ANKRD44: variants seen among roughly 807,000 people sequenced by gnomAD.
The protein encoded by ANKRD44 is serine/threonine-protein phosphatase 6 regulatory ankyrin repeat subunit B.
Under a neutral mutation model 116.0 loss-of-function variants are expected in ANKRD44, and 35 were observed. The observed-to-expected ratio is 0.30, with a 90% CI of 0.23 to 0.40. ANKRD44 has a LOEUF of 0.40. Among genes scored for constraint, ANKRD44 ranks in the 10% least tolerant of loss-of-function variants. ANKRD44 has a pLI of 1.00. For missense variants in ANKRD44, 1,014 were observed against 1,242.6 expected, an observed-to-expected ratio of 0.82 and a Z score of 2.77; for synonymous variants, 435 against 461.8, an observed-to-expected ratio of 0.94 and a Z score of 0.74.
chr2:197,010,257 C>T (rs1484287342), intron 18 of ANKRD44, among the ~76,000 whole-genome samples: 2 of 152,094 alleles, frequency 1.3e-5, no homozygotes, highest in East Asian at 1.9e-4. Context: ...TGGGTGTGCA[C>T]GCTCCATCCG....
At chr2:197,022,020 C>A (rs1191557069) in intron 17 of ANKRD44, among the ~76,000 whole-genome samples, 1 of 152,130 alleles carries the variant, frequency 6.6e-6, no homozygotes, top group Non-Finnish European at 1.5e-5. Context: ...GGGCCAATAA[C>A]CCTGGAGATT....
Position 197,078,774 on chromosome 2 carries a change from T to G in ANKRD44, c.1579A>C (p.Ile527Leu), listed in dbSNP as rs1336550510. Residue 527 changes from isoleucine to leucine, a missense_variant, in exon 16 of 28, where the codon ATC becomes CTC. Coordinates refer to ENST00000282272, the MANE Select transcript of ANKRD44 (RefSeq NM_001195144.2). Reference sequence around the variant, plus strand: ...CTATTGTAACCTTCCTTGTCCCGGATAGATGGATTTGCATCATTTTGAAGC... The same window carrying G: ...CTATTGTAACCTTCCTTGTCCCGGAGAGATGGATTTGCATCATTTTGAAGC... ...FLLQNDANPS[I>L]RDKEGYNSIH... The G allele has an allele frequency of 6.8e-6, 11 of 1,613,320 alleles. No homozygotes were observed. The highest frequency in any genetic ancestry group is 8.5e-6 in the Non-Finnish European group (10 of 1,179,440).
At chr2:197,298,438 T>C (rs1662983028) in intron 1 of ANKRD44, among the ~76,000 whole-genome samples, 1 of 152,162 alleles carries the variant, frequency 6.6e-6, no homozygotes, top group Non-Finnish European at 1.5e-5. Flanking sequence ...CAGAAGCATA[T>C]TTCCTTGGGC....
At chr2:197,123,649 T>C (rs547838905) in intron 6 of ANKRD44, among the ~76,000 whole-genome samples, 1 of 152,036 alleles carries the variant, frequency 6.6e-6, no homozygotes, top group Non-Finnish European at 1.5e-5. Context: ...AATAAATAAA[T>C]AAACAAAGAA....
chr2:197,260,040 C>T (rs553727934), intron 1 of ANKRD44, among the ~76,000 whole-genome samples: 88 of 152,302 alleles, frequency 5.8e-4, no homozygotes, highest in African/African-American at 1.9e-3. Context: ...AACGGTAAGA[C>T]TACTTTTCCT....
chr2:197,067,754 C>T (rs2077465270), intron 16 of ANKRD44, among the ~76,000 whole-genome samples: 1 of 100,946 alleles, frequency 9.9e-6, no homozygotes, highest in Non-Finnish European at 2.0e-5. Context: ...CACTTTTACA[C>T]TGTTGGTGGG....
intron 21 of ANKRD44, among the ~76,000 whole-genome samples, chr2:196,972,338 G>C (rs902370335): frequency 3.3e-5 from 5 of 152,132 alleles, no homozygotes; most frequent in Admixed American, 3.3e-4. Flanking sequence ...TGAGCAGCTG[G>C]GACTACAAGC....
intron 1 of ANKRD44, among the ~76,000 whole-genome samples, chr2:197,197,794 A>G (rs1366549396): frequency 2.2e-5 from 3 of 137,426 alleles, no homozygotes; most frequent in African/African-American, 7.9e-5. Context: ...TGGGTGACAG[A>G]GTGAAATCCT....
At position 196,989,039 on chromosome 2, in the gene ANKRD44, G is replaced by A. The variant is rs1008915365; in HGVS notation, c.*552C>T. On this transcript the variant is annotated 3_prime_UTR_variant, in exon 28 of 28. Coordinates refer to ENST00000282272, the MANE Select transcript of ANKRD44 (RefSeq NM_001195144.2). ...ATGCGTAGCCCTCTCTAACCAACGC[G>A]GAAGAACCTGAGGGTCATCTGGAAA... 2.4e-5 allele frequency: 24 copies of A among 985,448 alleles called. No homozygotes were observed. The highest frequency in any genetic ancestry group is 2.8e-5 in the Non-Finnish European group (23 of 829,976). 61.0% of individuals were successfully genotyped at this position (985,448 alleles called of 1,614,324 possible). A position where few individuals can be genotyped will look rare whatever the true frequency, so the allele number is the denominator to read the frequency against.
At chr2:197,291,018 G>T (rs572237419) in intron 1 of ANKRD44, among the ~76,000 whole-genome samples, 120 of 152,080 alleles carry the variant, frequency 7.9e-4, no homozygotes, top group African/African-American at 2.9e-3. Context: ...AGACTAGCGT[G>T]GGCAACATAG....
chr2:197,007,677 G>T, intron 20 of ANKRD44, 129 bp downstream of exon 20: 2 of 676,252 alleles, frequency 3.0e-6, no homozygotes, highest in Non-Finnish European at 5.1e-6. Flanking sequence ...GTTGTATTAG[G>T]AAACAATTTT....
At chr2:197,191,675 C>A (rs1241112974) in intron 1 of ANKRD44, among the ~76,000 whole-genome samples, 1 of 152,046 alleles carries the variant, frequency 6.6e-6, no homozygotes, top group African/African-American at 2.4e-5. Flanking sequence ...GAGGTAAAAG[C>A]AAAGGTTCAG....
At chr2:197,237,424 G>T (rs977601221) in intron 1 of ANKRD44, among the ~76,000 whole-genome samples, 1 of 152,060 alleles carries the variant, frequency 6.6e-6, no homozygotes, top group Non-Finnish European at 1.5e-5. Flanking sequence ...AATAAAACTC[G>T]CCAACCCTCT....
rs11351342 is a variant in ANKRD44, at chr2:197,276,275, CAAA to C, written c.27+34300_27+34302del. On this transcript the variant is annotated intron_variant, in intron 1 of 27. Transcript: ENST00000282272. ...GAGCAAAAAGAGCGAAACTTGGTCTCAAAAAAAAAAAAAAAAAAAGGAAAATTA... is the reference window on the plus strand; with the variant it reads ...GAGCAAAAAGAGCGAAACTTGGTCTCAAAAAAAAAAAAAAAAGGAAAATTA... Among the ~76,000 whole-genome samples, 47 of 108,050 alleles carry C rather than the reference CAAA, an allele frequency of 4.3e-4. 1 individual carries two copies. The East Asian group carries it at 8.7e-3, about 20-fold the overall frequency. The allele number at this position is 108,050 out of a possible 152,430, so 70.9% of individuals were successfully genotyped here. A position where few individuals can be genotyped will look rare whatever the true frequency, so the allele number is the denominator to read the frequency against.
intron 27 of ANKRD44, among the ~76,000 whole-genome samples, chr2:196,992,433 G>C (rs945916495): frequency 6.6e-6 from 1 of 152,148 alleles, no homozygotes; most frequent in Non-Finnish European, 1.5e-5. Flanking sequence ...ATGCAGGTGC[G>C]CACCAACCCA....
intron 10 of ANKRD44, among the ~76,000 whole-genome samples, chr2:197,091,075 C>T (rs76193515): frequency 0.13 from 19,175 of 152,262 alleles, 1,421 homozygotes; most frequent in Non-Finnish European, 0.17. Flanking sequence ...CCCTCGCTGG[C>T]GGAGGGCAGC....
intron 1 of ANKRD44, among the ~76,000 whole-genome samples, chr2:197,246,350 CTTT>C (rs67655796): frequency 1.4e-4 from 9 of 65,868 alleles, no homozygotes; most frequent in African/African-American, 5.4e-4. Context: ...CTACATCTGG[CTTT>C]TTTTTTTTTT....
intron 1 of ANKRD44, among the ~76,000 whole-genome samples, chr2:197,288,441 A>G (rs2083467697): frequency 1.3e-5 from 2 of 152,184 alleles, no homozygotes; most frequent in South Asian, 4.1e-4. Flanking sequence ...AGAAAAAAAC[A>G]CATATAAATA....
intron 1 of ANKRD44, among the ~76,000 whole-genome samples, chr2:197,216,869 AACAC>A (rs61641385): frequency 4.8e-4 from 67 of 139,830 alleles, no homozygotes; most frequent in African/African-American, 1.5e-3. Context: ...ACATTGGTTA[AACAC>A]ACACACACAC....
Sources: allele counts gnomAD v4.1 joint callset (sites outside exome capture counted in the v4.1 genomes callset), GRCh38; gene constraint gnomAD v4.1.1; transcripts MANE v1.5; gene names NCBI Gene and HGNC (gene_info 2026-07-23, HGNC 2026-07-21).